TBL1XR1: variants seen among roughly 807,000 people sequenced by gnomAD.
The protein encoded by TBL1XR1 is F-box-like/WD repeat-containing protein TBL1XR1.
A neutral mutation model predicts 66.9 loss-of-function variants in TBL1XR1; 5 were observed. The observed-to-expected ratio is 0.07, with a 90% CI of 0.04 to 0.16. TBL1XR1 has a LOEUF of 0.16. TBL1XR1 is among the 10% of genes least tolerant of loss of function. TBL1XR1 has a pLI of 1.00. For missense variants in TBL1XR1, 238 were observed against 623.2 expected (o/e 0.38, Z 6.58); for synonymous variants, 210 against 206.0 (o/e 1.02, Z -0.17).
At chr3:177,103,931 C>A (rs1429534282) in intron 1 of TBL1XR1, among the ~76,000 whole-genome samples, 3 of 152,060 alleles carry the variant, frequency 2.0e-5, no homozygotes, top group Admixed American at 1.3e-4. Flanking sequence ...GCCTGGCAAA[C>A]ATGGAGAAAC....
intron 13 of TBL1XR1, 53 bp downstream of exon 13, chr3:177,034,145 G>C: frequency 2.6e-6 from 4 of 1,532,438 alleles, no homozygotes; most frequent in Non-Finnish European, 3.5e-6. Context: ...ATATCTATTG[G>C]AAGTCTGATT....
intron 4 of TBL1XR1, among the ~76,000 whole-genome samples, chr3:177,052,894 AG>A (rs1717289907): frequency 6.6e-6 from 1 of 152,158 alleles, no homozygotes; most frequent in Admixed American, 6.5e-5. Context: ...ACCTGAGGTC[AG>A]GAGTCAAGAC....
intron 1 of TBL1XR1, among the ~76,000 whole-genome samples, chr3:177,186,339 C>CA (rs2108988635): frequency 1.3e-5 from 2 of 152,340 alleles, no homozygotes; most frequent in Admixed American, 1.3e-4. Context: ...AGCACTGCTA[C>CA]AGCTACAAAT....
intron 1 of TBL1XR1, among the ~76,000 whole-genome samples, chr3:177,122,266 T>C (rs2108758994): frequency 7.3e-6 from 1 of 137,088 alleles, no homozygotes. Context: ...CCTCCTCTAA[T>C]ACATAACTTA....
chr3:177,076,308 C>T (rs1458220059), intron 2 of TBL1XR1, among the ~76,000 whole-genome samples: 1 of 152,218 alleles, frequency 6.6e-6, no homozygotes, highest in Non-Finnish European at 1.5e-5. Flanking sequence ...TAGAGCTTGG[C>T]TTGTAGACAC....
At chr3:177,029,863 T>C (rs1182469693) in intron 14 of TBL1XR1, among the ~76,000 whole-genome samples, 1 of 152,228 alleles carries the variant, frequency 6.6e-6, no homozygotes, top group Non-Finnish European at 1.5e-5. Flanking sequence ...TTTGAAAAGA[T>C]ATTTAAACTA....
At chr3:177,159,138 T>G (rs191310911) in intron 1 of TBL1XR1, among the ~76,000 whole-genome samples, 10 of 152,062 alleles carry the variant, frequency 6.6e-5, no homozygotes, top group South Asian at 4.1e-4. Flanking sequence ...GGAACTCAGC[T>G]GGATTTTCTC....
intron 2 of TBL1XR1, among the ~76,000 whole-genome samples, chr3:177,093,201 A>G (rs1723048027): frequency 6.6e-6 from 1 of 152,154 alleles, no homozygotes; most frequent in Admixed American, 6.5e-5. Flanking sequence ...CAAGAACTCA[A>G]ACCCTTTTAC....
At chr3:177,149,047 T>C (rs1730581290) in intron 1 of TBL1XR1, among the ~76,000 whole-genome samples, 1 of 151,938 alleles carries the variant, frequency 6.6e-6, no homozygotes, top group Admixed American at 6.6e-5. Flanking sequence ...CCAGGAGACT[T>C]TGCTTTGCTT....
chr3:177,115,473 C>G (rs959753852), intron 1 of TBL1XR1, among the ~76,000 whole-genome samples: 1 of 152,174 alleles, frequency 6.6e-6, no homozygotes, highest in Non-Finnish European at 1.5e-5. Context: ...CTGCTATTCA[C>G]TACCCAACCC....
intron 1 of TBL1XR1, among the ~76,000 whole-genome samples, chr3:177,186,895 G>A (rs1402007714): frequency 2.0e-5 from 3 of 152,122 alleles, no homozygotes; most frequent in Non-Finnish European, 4.4e-5. Context: ...GGCCAGGCGT[G>A]GTGGCTCACG....
intron 1 of TBL1XR1, among the ~76,000 whole-genome samples, chr3:177,115,623 C>T (rs936000438): frequency 9.2e-5 from 14 of 152,294 alleles, no homozygotes; most frequent in African/African-American, 3.4e-4. Flanking sequence ...TCATTCCACT[C>T]TTTCCCCGCA....
intron 13 of TBL1XR1, among the ~76,000 whole-genome samples, chr3:177,033,779 G>C (rs1417917747): frequency 1.3e-5 from 2 of 152,170 alleles, no homozygotes; most frequent in African/African-American, 4.8e-5. Context: ...GTCCTTTGCA[G>C]TGACTTGGAT....
chr3:177,032,837 CTATCT>C (rs1714198620), intron 14 of TBL1XR1, 129 bp downstream of exon 14: 1 of 669,052 alleles, frequency 1.5e-6, no homozygotes, highest in Non-Finnish European at 2.2e-6. Flanking sequence ...CCATTAGTTT[CTATCT>C]TATTTTAAAA....
chr3:177,102,431 A>G lies in TBL1XR1; in HGVS notation c.-121-3890T>C, dbSNP rs115316734. ...GTTTTCCTAGTCAACTCATTTACCTATGTCCTAGCCATCATGCAATGCATT... is the reference window on the plus strand; with the variant it reads ...GTTTTCCTAGTCAACTCATTTACCTGTGTCCTAGCCATCATGCAATGCATT... On this transcript the variant is annotated intron_variant, in intron 1 of 15. Coordinates refer to ENST00000457928, the MANE Select transcript of TBL1XR1 (RefSeq NM_024665.7). Among the ~76,000 whole-genome samples the G allele has an allele frequency of 7.0e-3, 1,060 of 152,310 alleles. 7 individuals carry two copies. The highest frequency in any genetic ancestry group is 0.011 in the Non-Finnish European group (722 of 68,026).
chr3:177,026,709 A>ATC (rs1713178334), intron 14 of TBL1XR1: 1 of 408,182 alleles, frequency 2.4e-6, no homozygotes, highest in Non-Finnish European at 4.3e-6. Context: ...TCCAGTCTTG[A>ATC]TAACCATTCT....
At chr3:177,058,860 C>T (rs1052122093) in intron 3 of TBL1XR1, among the ~76,000 whole-genome samples, 4 of 152,040 alleles carry the variant, frequency 2.6e-5, no homozygotes, top group East Asian at 1.9e-4. Flanking sequence ...ATGTGTAATA[C>T]GAATTTCCTG....
At chr3:177,028,916 C>A (rs770657799) in intron 14 of TBL1XR1, among the ~76,000 whole-genome samples, 3 of 151,836 alleles carry the variant, frequency 2.0e-5, no homozygotes, top group Non-Finnish European at 2.9e-5. Context: ...GTATATGAAA[C>A]CGGCATTATG....
intron 1 of TBL1XR1, among the ~76,000 whole-genome samples, chr3:177,109,354 C>T (rs1725274227): frequency 6.6e-6 from 1 of 151,908 alleles, no homozygotes; most frequent in African/African-American, 2.4e-5. Flanking sequence ...CAAGCAAGTC[C>T]CCTTTAAGAG....
Sources: gnomAD v4.1 joint callset for allele counts (sites outside exome capture counted in the v4.1 genomes callset) on GRCh38, gnomAD v4.1.1 for gene constraint, MANE v1.5 for transcripts, NCBI Gene and HGNC (gene_info 2026-07-23, HGNC 2026-07-21) for gene names.